Variants in CCDC148 observed in about 807,000 individuals in gnomAD.
CCDC148 encodes the protein coiled-coil domain-containing protein 148.
A neutral mutation model predicts 85.7 loss-of-function variants in CCDC148; 89 were observed. The ratio of observed to expected loss-of-function variants is 1.04; its 90% CI spans 0.87 to 1.24. The LOEUF (loss-of-function observed/expected upper bound fraction) is 1.24. Ranked by LOEUF, CCDC148 falls within the 50% of genes most tolerant of loss-of-function variation. The probability of loss-of-function intolerance (pLI) is 0.00; values close to 1 mark genes in which losing one functional copy is unlikely to be tolerated. For synonymous variants in CCDC148, 230 were observed against 213.9 expected, an observed-to-expected ratio of 1.08 and a Z score of -0.66; for missense variants, 692 against 671.7, an observed-to-expected ratio of 1.03 and a Z score of -0.33.
rs145897711 is a variant in CCDC148, at chr2:158,435,830, G to T, written c.25+20585C>A. The stretch of plus-strand genomic sequence containing the variant: ...AAAAAAAGCAGGGGTTGCAATCCTA[G>T]TCTCTGATAAAACAGACTTTGAACC... On this transcript the variant is annotated intron_variant, in intron 1 of 13. Transcript: ENST00000283233. Among the ~76,000 whole-genome samples the T allele has an allele frequency of 3.2e-3, 482 of 152,264 alleles. 3 individuals are homozygous for T. Among genetic ancestry groups the T allele is most frequent in the African/African-American group, 0.011 (451 of 41,552 alleles).
intron 2 of CCDC148, among the ~76,000 whole-genome samples, chr2:158,349,437 T>C (rs907272619): frequency 3.3e-5 from 5 of 151,978 alleles, no homozygotes; most frequent in Admixed American, 3.3e-4. Flanking sequence ...TTTGAGCCTA[T>C]GTATTTTTAA....
intron 9 of CCDC148, among the ~76,000 whole-genome samples, chr2:158,261,789 A>C (rs1032793599): frequency 6.6e-6 from 1 of 152,122 alleles, no homozygotes; most frequent in East Asian, 1.9e-4. Context: ...ATCATTAGAG[A>C]AATGCAAGGC....
At chr2:158,192,827 G>C (rs1685485573) in intron 11 of CCDC148, among the ~76,000 whole-genome samples, 2 of 150,534 alleles carry the variant, frequency 1.3e-5, no homozygotes, top group Non-Finnish European at 3.0e-5. Flanking sequence ...TATTTTCTCT[G>C]ACCTAAGCTG....
chr2:158,261,339 C>G (rs1050381296), intron 9 of CCDC148, among the ~76,000 whole-genome samples: 4 of 152,004 alleles, frequency 2.6e-5, no homozygotes, highest in South Asian at 2.1e-4. Flanking sequence ...AAGCTGGACC[C>G]CTTCCTTACA....
At chr2:158,454,328 G>A (rs868551857) in intron 1 of CCDC148, among the ~76,000 whole-genome samples, 1 of 152,300 alleles carries the variant, frequency 6.6e-6, no homozygotes, top group Middle Eastern at 3.4e-3. Context: ...ATCTTTGGAG[G>A]AGAGGGTGTA....
rs565386821 is a variant in CCDC148, at chr2:158,284,682, A to G, written c.1110+24751T>C. 5.9e-5 allele frequency among the ~76,000 whole-genome samples: 9 copies of G among 152,340 alleles called. No individual in the cohort carries two copies. The South Asian group carries it at 1.7e-3, about 28-fold the overall frequency. On this transcript the variant is annotated intron_variant, in intron 9 of 13. Coordinates refer to ENST00000283233, the MANE Select transcript of CCDC148 (RefSeq NM_138803.4). ...CAGGAATACGGCAGAAGGATGCAGCATGTTCATTGGAAGAGGCTAATATAC... is the reference window on the plus strand; with the variant it reads ...CAGGAATACGGCAGAAGGATGCAGCGTGTTCATTGGAAGAGGCTAATATAC...
chr2:158,235,259 A>G (rs552204209), intron 10 of CCDC148, among the ~76,000 whole-genome samples: 1 of 152,350 alleles, frequency 6.6e-6, no homozygotes, highest in South Asian at 2.1e-4. Flanking sequence ...AAAGGGCATA[A>G]CTATTATTCA....
At chr2:158,448,238 T>C (rs1381786012) in intron 1 of CCDC148, among the ~76,000 whole-genome samples, 1 of 152,358 alleles carries the variant, frequency 6.6e-6, no homozygotes, top group Non-Finnish European at 1.5e-5. Context: ...TCTATCATTA[T>C]GCCAATATTA....
intron 7 of CCDC148, among the ~76,000 whole-genome samples, chr2:158,330,919 T>C (rs189818875): frequency 2.6e-5 from 4 of 152,076 alleles, no homozygotes; most frequent in Admixed American, 2.6e-4. Flanking sequence ...TATTAGTCTT[T>C]CTGGCAGTCT....
chr2:158,247,909 A>G (rs1247139876), intron 10 of CCDC148, among the ~76,000 whole-genome samples: 1 of 152,068 alleles, frequency 6.6e-6, no homozygotes, highest in East Asian at 1.9e-4. Flanking sequence ...GTATATTTAT[A>G]TTTTTATTTT....
intron 7 of CCDC148, among the ~76,000 whole-genome samples, chr2:158,319,255 G>T (rs1006140039): frequency 6.6e-6 from 1 of 152,116 alleles, no homozygotes. Flanking sequence ...ACTTGGCACT[G>T]CTTCAGGAAA....
chr2:158,233,517 A>G (rs1469749243), intron 10 of CCDC148, among the ~76,000 whole-genome samples: 1 of 151,158 alleles, frequency 6.6e-6, no homozygotes, highest in Non-Finnish European at 1.5e-5. Flanking sequence ...CAGATGAGAG[A>G]TACAAGGTAT....
At chr2:158,198,166 T>C (rs961871875) in intron 11 of CCDC148, among the ~76,000 whole-genome samples, 2 of 152,164 alleles carry the variant, frequency 1.3e-5, no homozygotes, top group African/African-American at 4.8e-5. Flanking sequence ...TTCCTTCTAC[T>C]AAGAAAACAC....
chr2:158,305,934 A>T (rs1331761960), intron 9 of CCDC148, among the ~76,000 whole-genome samples: 1 of 152,198 alleles, frequency 6.6e-6, no homozygotes, highest in Non-Finnish European at 1.5e-5. Flanking sequence ...GCAATAAAAA[A>T]GAACAAACTA....
In CCDC148 at chr2:158,206,121, T is replaced by C. The variant is rs115422949; in HGVS notation, c.1370+14474A>G. On this transcript the variant is annotated intron_variant, in intron 11 of 13. Coordinates refer to ENST00000283233, the MANE Select transcript of CCDC148 (RefSeq NM_138803.4). ...GTGTGTTTATTCCTCACAAGAACCA[T>C]ATAAGGTATGTATTTTTTTAACCTC... is the stretch of plus-strand genomic sequence containing the variant. Among the ~76,000 whole-genome samples, 721 of 152,276 alleles carry C rather than the reference T, an allele frequency of 4.7e-3. 1 individual carries two copies. Among genetic ancestry groups the C allele is most frequent in the African/African-American group, 0.016 (657 of 41,548 alleles).
At chr2:158,379,458 A>G (rs1202303373) in intron 1 of CCDC148, among the ~76,000 whole-genome samples, 1 of 152,184 alleles carries the variant, frequency 6.6e-6, no homozygotes, top group Non-Finnish European at 1.5e-5. Flanking sequence ...AGCTTAGTTG[A>G]TAAAGCAATG....
At chr2:158,228,132 C>A (rs1367099153) in intron 10 of CCDC148, among the ~76,000 whole-genome samples, 4 of 152,032 alleles carry the variant, frequency 2.6e-5, no homozygotes, top group Non-Finnish European at 4.4e-5. Flanking sequence ...ACAACCCCAT[C>A]AAAAAGTGGG....
intron 11 of CCDC148, among the ~76,000 whole-genome samples, chr2:158,179,315 T>C (rs763276720): frequency 3.0e-4 from 46 of 151,588 alleles, no homozygotes; most frequent in Admixed American, 8.6e-4. Flanking sequence ...CCCGCCACCA[T>C]GCCCAGCTAA....
chr2:158,382,509 G>A (rs974485917), intron 1 of CCDC148, among the ~76,000 whole-genome samples: 3 of 152,146 alleles, frequency 2.0e-5, no homozygotes, highest in African/African-American at 7.2e-5. Flanking sequence ...TCTGACATAT[G>A]TATTAACTTA....
Sources: gnomAD v4.1 joint callset for allele counts (sites outside exome capture counted in the v4.1 genomes callset) on GRCh38, gnomAD v4.1.1 for gene constraint, MANE v1.5 for transcripts, NCBI Gene and HGNC (gene_info 2026-07-23, HGNC 2026-07-21) for gene names.